ROR2: variants seen among roughly 807,000 people sequenced by gnomAD.
ROR2 encodes the protein ROR family WNT receptor 2, also known as tyrosine-protein kinase transmembrane receptor ROR2.
ROR2 carries 33 observed loss-of-function variants against 74.9 expected under a neutral mutation model. The observed-to-expected ratio is 0.44, with a 90% CI of 0.33 to 0.59. The LOEUF (loss-of-function observed/expected upper bound fraction) is 0.59. ROR2 is among the 20% of genes least tolerant of loss of function. The pLI is 0.02. For missense variants in ROR2, 1,216 were observed against 1,313.8 expected, an observed-to-expected ratio of 0.93 and a Z score of 1.15; for synonymous variants, 586 against 558.7, an observed-to-expected ratio of 1.05 and a Z score of -0.69.
At chr9:91,817,253 C>A (rs1289029443) in intron 1 of ROR2, among the ~76,000 whole-genome samples, 1 of 152,216 alleles carries the variant, frequency 6.6e-6, no homozygotes, top group Non-Finnish European at 1.5e-5. Context: ...CAGGGAGGGG[C>A]AGAACTGGAC....
intron 4 of ROR2, among the ~76,000 whole-genome samples, chr9:91,740,378 C>G (rs1476278533): frequency 2.0e-5 from 3 of 152,034 alleles, no homozygotes; most frequent in Non-Finnish European, 2.9e-5. Context: ...GAAACCCCAT[C>G]TCTACTAAAA....
intron 1 of ROR2, chr9:91,948,735 G>A (rs561985332): frequency 1.0e-6 from 1 of 985,192 alleles, no homozygotes; most frequent in African/African-American, 1.7e-5. Context: ...GTGCAGGGAT[G>A]GGGGATACTG....
chr9:91,825,309 C>T (rs867385984), intron 1 of ROR2, among the ~76,000 whole-genome samples: 4 of 152,112 alleles, frequency 2.6e-5, no homozygotes, highest in African/African-American at 7.2e-5. Context: ...CCTGGAAGTG[C>T]GGGGCATGTG....
intron 1 of ROR2, among the ~76,000 whole-genome samples, chr9:91,870,721 C>T (rs2119330183): frequency 6.6e-6 from 1 of 152,358 alleles, no homozygotes; most frequent in East Asian, 1.9e-4. Context: ...TTCAACAAAT[C>T]TGGACTGCAT....
At chr9:91,934,371 A>T (rs1030720036) in intron 1 of ROR2, among the ~76,000 whole-genome samples, 4 of 152,204 alleles carry the variant, frequency 2.6e-5, no homozygotes, top group Non-Finnish European at 5.9e-5. Context: ...AAAGACAGAA[A>T]ATACGTAGCA....
intron 1 of ROR2, among the ~76,000 whole-genome samples, chr9:91,835,489 T>C (rs1021535487): frequency 5.9e-5 from 9 of 152,014 alleles, no homozygotes; most frequent in Admixed American, 5.9e-4. Flanking sequence ...GGGGCTGCCC[T>C]GACATGCTCA....
At chr9:91,737,833 G>A (rs928124349) in intron 4 of ROR2, among the ~76,000 whole-genome samples, 2 of 152,144 alleles carry the variant, frequency 1.3e-5, no homozygotes, top group African/African-American at 4.8e-5. Flanking sequence ...GCCACAAAAA[G>A]AGAGGAAACT....
intron 1 of ROR2, among the ~76,000 whole-genome samples, chr9:91,870,144 A>G (rs890589642): frequency 6.7e-6 from 1 of 150,336 alleles, no homozygotes; most frequent in African/African-American, 2.4e-5. Flanking sequence ...ACAGGAGCAG[A>G]GCTGAAGACC....
At chr9:91,742,521 A>G (rs1825287397) in intron 4 of ROR2, among the ~76,000 whole-genome samples, 1 of 152,254 alleles carries the variant, frequency 6.6e-6, no homozygotes, top group African/African-American at 2.4e-5. Context: ...ACTGAAACAT[A>G]AGAGTCTACA....
chr9:91,801,012 G>C (rs928933340), intron 1 of ROR2, among the ~76,000 whole-genome samples: 2 of 152,126 alleles, frequency 1.3e-5, no homozygotes, highest in African/African-American at 4.8e-5. Context: ...AGGGCCCCTG[G>C]GAACTCTGCT....
At chr9:91,742,874 A>G (rs1825295940) in intron 4 of ROR2, among the ~76,000 whole-genome samples, 1 of 152,108 alleles carries the variant, frequency 6.6e-6, no homozygotes, top group Non-Finnish European at 1.5e-5. Flanking sequence ...TAAGTGTACC[A>G]TTTCTTAATT....
intron 4 of ROR2, among the ~76,000 whole-genome samples, chr9:91,744,356 G>A (rs1587677865): frequency 6.6e-6 from 1 of 150,812 alleles, no homozygotes; most frequent in Non-Finnish European, 1.5e-5. Flanking sequence ...CAAGTAGCTG[G>A]GACTACAGGC....
intron 1 of ROR2, among the ~76,000 whole-genome samples, chr9:91,782,386 G>A (rs1016337491): frequency 2.0e-5 from 3 of 151,766 alleles, no homozygotes; most frequent in African/African-American, 7.3e-5. Flanking sequence ...ATTAAAGGGA[G>A]GGATGTAAAA....
rs1321602304 is a variant in ROR2 at position 91,770,252 on chromosome 9, CGT to C, written c.175+5487_175+5488del. Among the ~76,000 whole-genome samples, 4 of 152,288 alleles carry C rather than the reference CGT, an allele frequency of 2.6e-5. No individual in the cohort carries two copies. In the East Asian group the frequency reaches 7.7e-4, roughly 29 times the overall value. On this transcript the variant is annotated intron_variant, in intron 2 of 8. Transcript: ENST00000375708. ...CTTGTGGGTATCTGGTAAACCTAAG[CGT>C]CACCTCTGTGTTCAATCTTTATGTT... is the stretch of plus-strand genomic sequence containing the variant.
chr9:91,734,472 T>G (rs947681218), intron 5 of ROR2, among the ~76,000 whole-genome samples: 1 of 152,070 alleles, frequency 6.6e-6, no homozygotes, highest in Admixed American at 6.5e-5. Flanking sequence ...TTGGCGATTA[T>G]TTGGTGATTA....
In ROR2 at chr9:91,868,672, A is replaced by G. The variant is rs148006329; in HGVS notation, c.97+81195T>C. The stretch of plus-strand genomic sequence containing the variant: ...CAGAAGGATGTGGCACAGACTATTT[A>G]AAGTGCTCAAAGACACAGACAATCA... On this transcript the variant is annotated intron_variant, in intron 1 of 8. Transcript: ENST00000375708. Among the ~76,000 whole-genome samples, 23 of 152,374 alleles carry G rather than the reference A, an allele frequency of 1.5e-4. No homozygotes were observed. In the South Asian group the frequency reaches 4.8e-3, roughly 32 times the overall value.
intron 1 of ROR2, among the ~76,000 whole-genome samples, chr9:91,831,746 C>T (rs534729454): frequency 1.3e-5 from 2 of 152,124 alleles, no homozygotes; most frequent in Non-Finnish European, 2.9e-5. Context: ...ACCCAGGAGG[C>T]GGAGCTTGCA....
At chr9:91,811,775 C>G (rs1827758589) in intron 1 of ROR2, among the ~76,000 whole-genome samples, 1 of 152,236 alleles carries the variant, frequency 6.6e-6, no homozygotes, top group African/African-American at 2.4e-5. Flanking sequence ...AGAGTGGTCC[C>G]TCACAGCAAG....
rs1167780367 is a variant in ROR2, at chr9:91,744,213, C to CTTTTTTT, written c.495-6702_495-6696dup. ...TTGACCCTCCACAGAAATTTGTTAA[C>CTTTTTTT]TTTTTTTTTTTTTTTTTTTTTTTTG... On this transcript the variant is annotated intron_variant, in intron 4 of 8. Transcript: ENST00000375708. Among the ~76,000 whole-genome samples the CTTTTTTT allele has an allele frequency of 2.8e-3, 252 of 89,056 alleles. 17 individuals carry two copies. Among genetic ancestry groups the CTTTTTTT allele is most frequent in the East Asian group, 7.3e-3 (18 of 2,458 alleles). The allele number at this position is 89,056 out of a possible 152,430, so 58.4% of individuals were successfully genotyped here. A position where few individuals can be genotyped will look rare whatever the true frequency, so the allele number is the denominator to read the frequency against.
Sources: gnomAD v4.1 joint callset for allele counts (sites outside exome capture counted in the v4.1 genomes callset) on GRCh38, gnomAD v4.1.1 for gene constraint, MANE v1.5 for transcripts, NCBI Gene and HGNC (gene_info 2026-07-23, HGNC 2026-07-21) for gene names.